PICALM: variants seen among roughly 807,000 people sequenced by gnomAD.
The protein encoded by PICALM is phosphatidylinositol binding clathrin assembly protein.
In PICALM, 40 loss-of-function variants were observed where a neutral mutation model predicts 80.5. The ratio of observed to expected loss-of-function variants is 0.50; its 90% CI spans 0.39 to 0.65. The LOEUF (loss-of-function observed/expected upper bound fraction) is 0.65, where lower values mean the gene tolerates loss of function less well. Ranked by LOEUF, PICALM falls within the 30% of genes least tolerant of loss-of-function variation. The pLI, the probability that PICALM is intolerant of heterozygous loss-of-function variation, is 0.00. For synonymous variants in PICALM, 288 were observed against 260.3 expected, an observed-to-expected ratio of 1.11 and a Z score of -1.02; for missense variants, 676 against 778.9, an observed-to-expected ratio of 0.87 and a Z score of 1.57.
At chr11:85,999,455 C>A (rs2095077602) in intron 11 of PICALM, among the ~76,000 whole-genome samples, 1 of 152,160 alleles carries the variant, frequency 6.6e-6, no homozygotes, top group Admixed American at 6.5e-5. Context: ...ACTTCTTTCT[C>A]CTAGGACAGA....
intron 1 of PICALM, among the ~76,000 whole-genome samples, chr11:86,048,899 A>G (rs1263763417): frequency 6.6e-6 from 1 of 152,022 alleles, no homozygotes; most frequent in African/African-American, 2.4e-5. Context: ...GTCATTAAAC[A>G]GCTGGTTTTA....
chr11:85,968,297 AC>A (rs2093977096), intron 19 of PICALM, among the ~76,000 whole-genome samples: 1 of 151,888 alleles, frequency 6.6e-6, no homozygotes, highest in Non-Finnish European at 1.5e-5. Flanking sequence ...TCTCAAAAAA[AC>A]AAAACAAACA....
At chr11:86,036,805 A>G (rs1011816848) in intron 1 of PICALM, among the ~76,000 whole-genome samples, 1 of 152,116 alleles carries the variant, frequency 6.6e-6, no homozygotes, top group Non-Finnish European at 1.5e-5. Flanking sequence ...CCATTTTTTA[A>G]AACTGTATGT....
Position 86,003,469 on chromosome 11 carries a change from T to C in PICALM, c.808-18A>G. On this transcript the variant is annotated intron_variant, in intron 8 of 19. Coordinates refer to ENST00000393346, the MANE Select transcript of PICALM (RefSeq NM_007166.4). ...CTAGGGGCCTGCAATTGTACAAATA[T>C]TAAGAATTTCATGATAATTAGGCCA... 2 of 1,494,090 alleles carry C rather than the reference T, an allele frequency of 1.3e-6. No homozygotes were observed. Among genetic ancestry groups the C allele is most frequent in the Non-Finnish European group, 1.8e-6 (2 of 1,093,028 alleles). 92.6% of individuals were successfully genotyped at this position (1,494,090 alleles called of 1,614,324 possible).
Position 86,007,555 on chromosome 11 carries a change from G to A in PICALM, c.794C>T (p.Pro265Leu). The change falls in exon 8 of 20, where the codon CCA (proline) becomes CTA (leucine). Residue 265 changes from proline to leucine, a missense_variant. Physicochemically the swap from Pro to Leu is moderately conservative, Grantham distance 98. This residue lies in a region of PICALM where 285 missense variants were observed against 395.4 expected (regional missense o/e 0.72). Coordinates refer to ENST00000393346, the MANE Select transcript of PICALM (RefSeq NM_007166.4). ...EQVGIDRGDI[P>L]DLSQAPSSLL... ...CAATAAACTTACCTGTGAAAGGTCT[G>A]GTATATCACCTCTGTCAATTCCAAC... 3 of 1,505,364 alleles carry A rather than the reference G, an allele frequency of 2.0e-6. No individual in the cohort carries two copies. Among genetic ancestry groups the A allele is most frequent in the Non-Finnish European group, 2.8e-6 (3 of 1,088,870 alleles). The allele number at this position is 1,505,364 out of a possible 1,614,324, so 93.3% of individuals were successfully genotyped here.
chr11:85,983,943 T>C lies in PICALM; in HGVS notation c.1439A>G (p.His480Arg), dbSNP rs753797673. Residue 480 changes from histidine (H) to arginine (R), a missense_variant, in exon 14 of 20, where the codon CAC becomes CGC. By Grantham distance (29) the His-to-Arg change is conservative. Around this residue, in one of 2 missense-constraint regions of PICALM, gnomAD observed 391 missense variants for 383.6 expected, o/e 1.02. Coordinates refer to ENST00000393346, the MANE Select transcript of PICALM (RefSeq NM_007166.4). The part of the protein sequence containing the change: ...GFTPSPVAQP[H>R]PSAGLNVDFE... ...GTCAACATTAAGGCCAGCTGAAGGG[T>C]GTGGCTGTGCAACTGGAGAAGGAGT... 3 of 1,600,612 alleles carry C rather than the reference T, an allele frequency of 1.9e-6. No individual in the cohort carries two copies. Among genetic ancestry groups the C allele is most frequent in the Non-Finnish European group, 2.6e-6 (3 of 1,169,402 alleles).
At chr11:86,046,444 G>A (rs1211423782) in intron 1 of PICALM, among the ~76,000 whole-genome samples, 1 of 152,076 alleles carries the variant, frequency 6.6e-6, no homozygotes, top group Non-Finnish European at 1.5e-5. Flanking sequence ...TATATTTAGG[G>A]TATTTTAAAA....
At chr11:86,055,780 A>C (rs1473783161) in intron 1 of PICALM, among the ~76,000 whole-genome samples, 1 of 152,204 alleles carries the variant, frequency 6.6e-6, no homozygotes, top group Non-Finnish European at 1.5e-5. Flanking sequence ...TAGAGTTGTA[A>C]AGGTGCATAA....
At chr11:86,000,103 C>T (rs757236887) in intron 11 of PICALM, among the ~76,000 whole-genome samples, 2 of 152,180 alleles carry the variant, frequency 1.3e-5, no homozygotes, top group African/African-American at 2.4e-5. Context: ...TTTTACTTTA[C>T]CTGGCAATAT....
At chr11:85,978,059 T>G (rs1191338339) in intron 17 of PICALM, 1 of 1,611,680 alleles carries the variant, frequency 6.2e-7, no homozygotes, top group Non-Finnish European at 8.5e-7. Context: ...GGCTCGTTTT[T>G]GGTCACTTAC....
At chr11:85,972,825 A>G (rs2094151833) in intron 19 of PICALM, among the ~76,000 whole-genome samples, 1 of 152,228 alleles carries the variant, frequency 6.6e-6, no homozygotes, top group Admixed American at 6.5e-5. Flanking sequence ...ATAAAAAACA[A>G]AAGGACATGA....
At chr11:86,014,016 C>A (rs181723476) in intron 5 of PICALM, among the ~76,000 whole-genome samples, 1 of 152,140 alleles carries the variant, frequency 6.6e-6, no homozygotes, top group African/African-American at 2.4e-5. Flanking sequence ...CATACAAAAA[C>A]AGGCAGTAAG....
chr11:86,029,300 A>G (rs1008791292), intron 2 of PICALM, among the ~76,000 whole-genome samples: 3 of 152,228 alleles, frequency 2.0e-5, no homozygotes, highest in Non-Finnish European at 4.4e-5. Context: ...TGGTATTCCA[A>G]TCACCACAGT....
chr11:86,027,384 G>A (rs909304192), intron 2 of PICALM, among the ~76,000 whole-genome samples: 2 of 151,800 alleles, frequency 1.3e-5, no homozygotes, highest in Non-Finnish European at 2.9e-5. Flanking sequence ...AATAGCTAAA[G>A]AAATGCCTTT....
chr11:86,061,811 T>C (rs74865812), intron 1 of PICALM, among the ~76,000 whole-genome samples: 3,104 of 152,310 alleles, frequency 0.02, 114 homozygotes, highest in African/African-American at 0.071. Flanking sequence ...AGATGTTTGA[T>C]GTTTATAGCA....
intron 4 of PICALM, among the ~76,000 whole-genome samples, chr11:86,021,495 T>TAAA (rs199635223): frequency 3.3e-4 from 44 of 134,118 alleles, no homozygotes; most frequent in African/African-American, 1.2e-3. Context: ...GGCTACCATT[T>TAAA]AAGAAAAAAA....
Position 86,045,519 on chromosome 11 carries a change from C to CAAAAAAAAAAAAAAA in PICALM, c.131-13923_131-13909dup, listed in dbSNP as rs71040207. Among the ~76,000 whole-genome samples, 5 of 47,800 alleles carry CAAAAAAAAAAAAAAA rather than the reference C, an allele frequency of 1.0e-4. 1 individual carries two copies. Among genetic ancestry groups the CAAAAAAAAAAAAAAA allele is most frequent in the Non-Finnish European group, 2.2e-4 (5 of 22,406 alleles). 31.4% of individuals were successfully genotyped at this position (47,800 alleles called of 152,430 possible). A position where few individuals can be genotyped will look rare whatever the true frequency, so the allele number is the denominator to read the frequency against. On this transcript the variant is annotated intron_variant, in intron 1 of 19. Coordinates refer to ENST00000393346, the MANE Select transcript of PICALM (RefSeq NM_007166.4). ...CATAGTGAGACCCTGTCTTGAAATT[C>CAAAAAAAAAAAAAAA]AAAAAAAAAAAAAAAAAAAAAAAAA...
chr11:85,983,002 C>T (rs1392523143), intron 14 of PICALM, among the ~76,000 whole-genome samples: 3 of 152,118 alleles, frequency 2.0e-5, no homozygotes, highest in South Asian at 4.1e-4. Flanking sequence ...TCTCTCTTTC[C>T]ACTTTCCCAG....
rs745964289 is a variant in PICALM, at chr11:86,068,609, C to T, written c.130+42G>A. The T allele has an allele frequency of 3.2e-6, 5 of 1,582,162 alleles. No homozygotes were observed. In the South Asian group the frequency reaches 5.6e-5, roughly 18 times the overall value. On this transcript the variant is annotated intron_variant, in intron 1 of 19. Coordinates refer to ENST00000393346, the MANE Select transcript of PICALM (RefSeq NM_007166.4). ...GAGAGAGAAGGACGCGCGCGGGTCG[C>T]GCGGGCGCCGGGGAGCGGGGGCCGC... is the stretch of plus-strand genomic sequence containing the variant.
Sources: allele counts gnomAD v4.1 joint callset (sites outside exome capture counted in the v4.1 genomes callset), GRCh38; gene constraint gnomAD v4.1.1; regional missense constraint gnomAD v4.1.1; transcripts MANE v1.5; gene names NCBI Gene and HGNC (gene_info 2026-07-23, HGNC 2026-07-21).